IQGAP2: variants seen among roughly 807,000 people sequenced by gnomAD.
IQGAP2 encodes the protein IQ motif containing GTPase activating protein 2, also known as ras GTPase-activating-like protein IQGAP2.
In IQGAP2, 173 loss-of-function variants were observed where a neutral mutation model predicts 201.3. The ratio of observed to expected loss-of-function variants is 0.86; its 90% CI spans 0.76 to 0.98. The LOEUF is 0.98. Ranked by LOEUF, IQGAP2 falls within the 50% of genes least tolerant of loss-of-function variation. IQGAP2 has a pLI of 0.00. For synonymous variants in IQGAP2, 675 were observed against 673.9 expected, an observed-to-expected ratio of 1.00 and a Z score of -0.03; for missense variants, 1,687 against 1,864.8, an observed-to-expected ratio of 0.90 and a Z score of 1.76.
At chr5:76,432,202 T>C (rs1580176945) in intron 1 of IQGAP2, among the ~76,000 whole-genome samples, 1 of 146,062 alleles carries the variant, frequency 6.8e-6, no homozygotes. Context: ...CTCAGCTCAC[T>C]GCATCCTCTC....
intron 2 of IQGAP2, among the ~76,000 whole-genome samples, chr5:76,537,102 C>T (rs1363258302): frequency 1.3e-5 from 2 of 152,152 alleles, no homozygotes; most frequent in African/African-American, 4.8e-5. Context: ...ACACAGTTTA[C>T]GTTTCTAGAA....
intron 3 of IQGAP2, among the ~76,000 whole-genome samples, chr5:76,567,477 ATTG>A (rs2150264568): frequency 6.6e-6 from 1 of 152,332 alleles, no homozygotes; most frequent in South Asian, 2.1e-4. Flanking sequence ...TTGTGGAGAT[ATTG>A]TGAGGCACAA....
intron 10 of IQGAP2, among the ~76,000 whole-genome samples, chr5:76,598,474 T>C (rs1747192312): frequency 6.6e-6 from 1 of 152,080 alleles, no homozygotes; most frequent in South Asian, 2.1e-4. Flanking sequence ...AAAAAAAGTT[T>C]AAACTCAATC....
At chr5:76,465,104 A>C (rs1013146685) in intron 2 of IQGAP2, among the ~76,000 whole-genome samples, 6 of 152,204 alleles carry the variant, frequency 3.9e-5, no homozygotes, top group Non-Finnish European at 4.4e-5. Context: ...CCAAAACCAG[A>C]TAGCCATCTC....
chr5:76,527,315 C>T (rs1759032031), intron 2 of IQGAP2, among the ~76,000 whole-genome samples: 1 of 152,192 alleles, frequency 6.6e-6, no homozygotes, highest in Admixed American at 6.5e-5. Context: ...CTCAGAGGTG[C>T]TCCCTGTCCC....
chr5:76,674,906 C>A (rs928990130), intron 27 of IQGAP2, among the ~76,000 whole-genome samples, 197 bp downstream of exon 27: 9 of 152,084 alleles, frequency 5.9e-5, no homozygotes, highest in Non-Finnish European at 1.2e-4. Flanking sequence ...TCCTATCGCA[C>A]CCCCACCACA....
At chr5:76,431,487 C>T (rs1752362938) in intron 1 of IQGAP2, among the ~76,000 whole-genome samples, 1 of 152,020 alleles carries the variant, frequency 6.6e-6, no homozygotes, top group Non-Finnish European at 1.5e-5. Flanking sequence ...GTCTGTTTGG[C>T]ATGCTTTGTT....
At chr5:76,607,042 G>A (rs1162849810) in intron 12 of IQGAP2, 1 of 152,236 alleles carries the variant, frequency 6.6e-6, no homozygotes, top group Non-Finnish European at 1.5e-5. Flanking sequence ...CAGTGGGTGA[G>A]TGTTGCTAAA....
chr5:76,624,233 G>A (rs1561524476), intron 13 of IQGAP2: 1 of 152,080 alleles, frequency 6.6e-6, no homozygotes, highest in Non-Finnish European at 1.5e-5. Flanking sequence ...AAGCTTTTAT[G>A]AATTGTTATA....
chr5:76,569,611 CT>C (rs1744977444), intron 3 of IQGAP2, among the ~76,000 whole-genome samples: 1 of 152,140 alleles, frequency 6.6e-6, no homozygotes, highest in Admixed American at 6.5e-5. Context: ...AATGAAAATA[CT>C]TTTTATACAA....
At chr5:76,704,066 T>G (rs1747665860) in intron 35 of IQGAP2, among the ~76,000 whole-genome samples, 1 of 152,242 alleles carries the variant, frequency 6.6e-6, no homozygotes, top group Non-Finnish European at 1.5e-5. Context: ...GGAGATAAGA[T>G]GAAAGCTATT....
At chr5:76,420,640 G>T (rs924469309) in intron 1 of IQGAP2, among the ~76,000 whole-genome samples, 2 of 152,176 alleles carry the variant, frequency 1.3e-5, no homozygotes, top group African/African-American at 2.4e-5. Flanking sequence ...CTCCCAAAGG[G>T]CTGGGATTAC....
At chr5:76,518,982 A>G (rs1038364545) in intron 2 of IQGAP2, among the ~76,000 whole-genome samples, 1 of 152,248 alleles carries the variant, frequency 6.6e-6, no homozygotes, top group Non-Finnish European at 1.5e-5. Flanking sequence ...ATCTGCTCCC[A>G]TACCAGAGAA....
intron 2 of IQGAP2, among the ~76,000 whole-genome samples, chr5:76,528,754 T>C (rs1759117328): frequency 6.6e-6 from 1 of 152,226 alleles, no homozygotes; most frequent in Non-Finnish European, 1.5e-5. Flanking sequence ...GCACCAGCTC[T>C]GAAGCCTAGT....
intron 1 of IQGAP2, among the ~76,000 whole-genome samples, chr5:76,449,686 A>G (rs1414478473): frequency 6.6e-6 from 1 of 152,202 alleles, no homozygotes; most frequent in Non-Finnish European, 1.5e-5. Flanking sequence ...ATCCCTGCCT[A>G]GCTTCATAAT....
At chr5:76,550,197 C>T (rs1344486635) in intron 2 of IQGAP2, among the ~76,000 whole-genome samples, 1 of 152,090 alleles carries the variant, frequency 6.6e-6, no homozygotes, top group Admixed American at 6.6e-5. Context: ...CATTTCCATT[C>T]CAAAAGGGAA....
intron 1 of IQGAP2, among the ~76,000 whole-genome samples, chr5:76,447,546 G>C (rs1409693622): frequency 6.6e-6 from 1 of 152,186 alleles, no homozygotes. Context: ...AGAATCGGTG[G>C]GTCTAGGGTC....
intron 28 of IQGAP2, 144 bp downstream of exon 28, chr5:76,677,494 T>C: frequency 1.6e-6 from 1 of 621,832 alleles, no homozygotes; most frequent in South Asian, 3.3e-5. Flanking sequence ...CAATTATTTA[T>C]TCCATGACTC....
At chr5:76,551,889 G>A (rs1334651271) in intron 2 of IQGAP2, among the ~76,000 whole-genome samples, 1 of 144,548 alleles carries the variant, frequency 6.9e-6, no homozygotes, top group African/African-American at 2.5e-5. Context: ...GAGGGGGAGG[G>A]GAGGGGGAGG....
Sources: allele counts gnomAD v4.1 joint callset (sites outside exome capture counted in the v4.1 genomes callset), GRCh38; gene constraint gnomAD v4.1.1; transcripts MANE v1.5; gene names NCBI Gene and HGNC (gene_info 2026-07-23, HGNC 2026-07-21).